SLC9A2: variants seen among roughly 807,000 people sequenced by gnomAD.
The protein encoded by SLC9A2 is sodium/hydrogen exchanger 2.
In SLC9A2, 42 loss-of-function variants were observed where a neutral mutation model predicts 71.7. That is an observed-to-expected ratio of 0.59 (90% CI 0.46 to 0.76). The LOEUF is 0.76. Ranked by LOEUF, SLC9A2 falls within the 30% of genes least tolerant of loss-of-function variation. SLC9A2 has a pLI of 0.00. For synonymous variants in SLC9A2, 396 were observed against 392.5 expected (o/e 1.01, Z -0.10); for missense variants, 829 against 1,017.4 (o/e 0.81, Z 2.52).
At chr2:102,628,353 G>A (rs977675876) in intron 1 of SLC9A2, among the ~76,000 whole-genome samples, 6 of 152,112 alleles carry the variant, frequency 3.9e-5, no homozygotes, top group African/African-American at 1.4e-4. Context: ...CTGGAATGAT[G>A]ACTGCTTTTG....
rs139091917 is a variant in SLC9A2, at chr2:102,634,258, T to C, written c.289+14121T>C. On this transcript the variant is annotated intron_variant, in intron 1 of 11. Coordinates refer to ENST00000233969, the MANE Select transcript of SLC9A2 (RefSeq NM_003048.6). ...CAAATATCCTCATTTGGATGGTAAT[T>C]GATTTGATCACTGTACTATAGTGTA... Among the ~76,000 whole-genome samples the C allele has an allele frequency of 1.3e-3, 195 of 152,332 alleles. 3 individuals carry two copies. The highest frequency in any genetic ancestry group is 0.011 in the East Asian group (58 of 5,188).
In SLC9A2 at chr2:102,673,226, A is replaced by C. The variant is rs186055930; in HGVS notation, c.1004+7876A>C. Among the ~76,000 whole-genome samples, 90 of 152,312 alleles carry C rather than the reference A, an allele frequency of 5.9e-4. 1 individual carries two copies. In the East Asian group the frequency reaches 0.013, roughly 22 times the overall value. ...TGGGTACTCAATGAATAATAATATA[A>C]GTTTAAGTGAAACACAAGCAGAAAA... On this transcript the variant is annotated intron_variant, in intron 3 of 11. Coordinates refer to ENST00000233969, the MANE Select transcript of SLC9A2 (RefSeq NM_003048.6).
chr2:102,638,599 T>C lies in SLC9A2; in HGVS notation c.289+18462T>C, dbSNP rs75515886. 1.9e-3 allele frequency among the ~76,000 whole-genome samples: 296 copies of C among 152,346 alleles called. 1 individual carries two copies. The highest frequency in any genetic ancestry group is 6.9e-3 in the African/African-American group (289 of 41,586). Reference sequence around the variant, plus strand: ...ACATCAGTTATGGTCCTGGCAATTATTGATGTCTTGAATGAAAGTGTTCCT... The same window carrying C: ...ACATCAGTTATGGTCCTGGCAATTACTGATGTCTTGAATGAAAGTGTTCCT... On this transcript the variant is annotated intron_variant, in intron 1 of 11. Transcript: ENST00000233969.
chr2:102,657,105 T>C (rs1474598119), intron 1 of SLC9A2, among the ~76,000 whole-genome samples: 1 of 151,690 alleles, frequency 6.6e-6, no homozygotes, highest in Non-Finnish European at 1.5e-5. Context: ...TTCGGGAGGC[T>C]GAGGCAGGGA....
At chr2:102,699,198 G>T (rs1573434699) in intron 7 of SLC9A2, among the ~76,000 whole-genome samples, 1 of 152,190 alleles carries the variant, frequency 6.6e-6, no homozygotes, top group Non-Finnish European at 1.5e-5. Context: ...GTCAAGGAAA[G>T]ACTTAAAAGA....
chr2:102,700,823 G>A (rs996620629), intron 7 of SLC9A2, among the ~76,000 whole-genome samples: 1 of 151,572 alleles, frequency 6.6e-6, no homozygotes, highest in African/African-American at 2.4e-5. Flanking sequence ...ATGTGTATGT[G>A]TATGTATATA....
chr2:102,689,035 C>T (rs1437858428), intron 5 of SLC9A2, among the ~76,000 whole-genome samples: 3 of 152,178 alleles, frequency 2.0e-5, no homozygotes, highest in Non-Finnish European at 2.9e-5. Context: ...TTTTATTATA[C>T]TTGTAAGCTA....
chr2:102,632,023 T>TACACACAC (rs1320481772), intron 1 of SLC9A2, among the ~76,000 whole-genome samples: 1 of 78,394 alleles, frequency 1.3e-5, no homozygotes, highest in African/African-American at 4.1e-5. Flanking sequence ...TATATATATA[T>TACACACAC]ATATATATAT....
intron 1 of SLC9A2, among the ~76,000 whole-genome samples, chr2:102,636,396 A>T (rs1174240454): frequency 6.6e-6 from 1 of 152,228 alleles, no homozygotes; most frequent in Non-Finnish European, 1.5e-5. Flanking sequence ...GCAACCACTT[A>T]ATTGAAAAAT....
At chr2:102,652,289 T>G (rs1676850281) in intron 1 of SLC9A2, among the ~76,000 whole-genome samples, 1 of 152,176 alleles carries the variant, frequency 6.6e-6, no homozygotes. Flanking sequence ...TTCTGAGGTT[T>G]CTTCACTAGC....
At chr2:102,684,664 A>G (rs781497681) in intron 5 of SLC9A2, among the ~76,000 whole-genome samples, 4 of 152,258 alleles carry the variant, frequency 2.6e-5, no homozygotes, top group Non-Finnish European at 5.9e-5. Context: ...CTAGTTGTGC[A>G]TATGACCTTC....
At chr2:102,655,726 G>C (rs1306949061) in intron 1 of SLC9A2, among the ~76,000 whole-genome samples, 1 of 152,178 alleles carries the variant, frequency 6.6e-6, no homozygotes, top group East Asian at 1.9e-4. Flanking sequence ...GTCCTACTCT[G>C]TTCCTGTTGC....
At chr2:102,664,255 CT>C (rs111918717) in intron 2 of SLC9A2, among the ~76,000 whole-genome samples, 17 of 148,318 alleles carry the variant, frequency 1.1e-4, no homozygotes, top group African/African-American at 4.3e-4. Context: ...GTACTCCAGC[CT>C]GAGTGAGAGT....
chr2:102,708,053 A>G (rs1678016314), intron 11 of SLC9A2, 66 bp from the exon 12 acceptor site: 2 of 1,534,978 alleles, frequency 1.3e-6, no homozygotes, highest in East Asian at 4.5e-5. Flanking sequence ...TCACTAAGGT[A>G]CTGAAGTTAC....
chr2:102,631,876 T>C (rs552449855), intron 1 of SLC9A2, among the ~76,000 whole-genome samples: 1 of 150,910 alleles, frequency 6.6e-6, no homozygotes, highest in East Asian at 1.9e-4. Flanking sequence ...TTGGGAAAGA[T>C]AGCCCTGGAT....
At chr2:102,646,385 C>G (rs1676724026) in intron 1 of SLC9A2, among the ~76,000 whole-genome samples, 1 of 152,160 alleles carries the variant, frequency 6.6e-6, no homozygotes, top group Non-Finnish European at 1.5e-5. Flanking sequence ...TGTAAAGAAA[C>G]TGCATCAACT....
At chr2:102,629,465 TG>T (rs1423428095) in intron 1 of SLC9A2, among the ~76,000 whole-genome samples, 2 of 152,270 alleles carry the variant, frequency 1.3e-5, no homozygotes, top group East Asian at 3.9e-4. Flanking sequence ...TATTTTCATT[TG>T]GCTAGGCCTC....
At chr2:102,703,696 A>G (rs1156678969) in intron 9 of SLC9A2, among the ~76,000 whole-genome samples, 1 of 152,256 alleles carries the variant, frequency 6.6e-6, no homozygotes, top group Non-Finnish European at 1.5e-5. Context: ...ATTTCTGGAC[A>G]CAGGGATATT....
At chr2:102,673,649 T>G (rs1457469539) in intron 3 of SLC9A2, among the ~76,000 whole-genome samples, 1 of 152,210 alleles carries the variant, frequency 6.6e-6, no homozygotes, top group Non-Finnish European at 1.5e-5. Flanking sequence ...TTTATGCTTA[T>G]TTTTTAAAAA....
Sources: allele counts gnomAD v4.1 joint callset (sites outside exome capture counted in the v4.1 genomes callset), GRCh38; gene constraint gnomAD v4.1.1; transcripts MANE v1.5; gene names NCBI Gene and HGNC (gene_info 2026-07-23, HGNC 2026-07-21).